MTMR10: variants seen among roughly 807,000 people sequenced by gnomAD.
MTMR10 encodes myotubularin related protein 10.
Under a neutral mutation model 88.1 loss-of-function variants are expected in MTMR10, and 56 were observed. The ratio of observed to expected loss-of-function variants is 0.64; its 90% CI spans 0.51 to 0.79. The LOEUF (loss-of-function observed/expected upper bound fraction) is 0.79, where lower values mean the gene tolerates loss of function less well. MTMR10 is among the 30% of genes least tolerant of loss of function. The pLI, the probability that MTMR10 is intolerant of heterozygous loss-of-function variation, is 0.00. For missense variants in MTMR10, 883 were observed against 924.7 expected, an observed-to-expected ratio of 0.95 and a Z score of 0.58; for synonymous variants, 380 against 340.9, an observed-to-expected ratio of 1.11 and a Z score of -1.26.
rs776364252 is a variant in MTMR10 at position 30,960,979 on chromosome 15, G to A, written c.660C>T (p.Leu220=). The change falls in exon 7 of 16, where the codon CTC becomes CTT. Residue 220 remains leucine, a synonymous_variant. Coordinates refer to ENST00000435680, the MANE Select transcript of MTMR10 (RefSeq NM_017762.3). Reference sequence around the variant, plus strand: ...TGTCCCAATCCGAGTAAGTTTCAAAGAGTGGAGTTTTCTGGCTGCTGCCAC... The same window carrying A: ...TGTCCCAATCCGAGTAAGTTTCAAAAAGTGGAGTTTTCTGGCTGCTGCCAC... ...AGGGSSQKTP[L]FETYSDWDRE... The A allele has an allele frequency of 2.5e-6, 4 of 1,600,898 alleles. No individual in the cohort carries two copies. The South Asian group carries it at 4.5e-5, about 18-fold the overall frequency.
chr15:30,945,069 A>G (rs1332782201), intron 14 of MTMR10, among the ~76,000 whole-genome samples: 2 of 152,116 alleles, frequency 1.3e-5, no homozygotes, highest in Non-Finnish European at 2.9e-5. Context: ...TATTTATCCC[A>G]AGAGAGACCA....
intron 9 of MTMR10, among the ~76,000 whole-genome samples, chr15:30,955,803 G>A (rs1046183625): frequency 6.6e-6 from 1 of 152,094 alleles, no homozygotes; most frequent in African/African-American, 2.4e-5. Context: ...ATTTGCTGTA[G>A]GATAAACTGC....
chr15:30,922,491 G>A, the MTMR10 span: 1 of 933,618 alleles, frequency 1.1e-6, no homozygotes, highest in Non-Finnish European at 1.6e-6. Context: ...TTTTGTCTGT[G>A]TTCTTCCAAC....
At chr15:30,920,475 TCA>T in the MTMR10 span, 2 of 975,766 alleles carry the variant, frequency 2.0e-6, no homozygotes, top group Non-Finnish European at 3.2e-6. Context: ...GTCTGCTTTG[TCA>T]CTTGTTATTA....
Position 30,939,357 on chromosome 15 carries a change from GCT to G in MTMR10, c.*2111_*2112del, listed in dbSNP as rs1172035994. ...TGCTGGCGGGCAGCAGGGGTGCTGA[GCT>G]CTCTCTAGTGCGCCCTGTGCAGCCA... On this transcript the variant is annotated 3_prime_UTR_variant, in exon 16 of 16. Coordinates refer to ENST00000435680, the MANE Select transcript of MTMR10 (RefSeq NM_017762.3). 8.1e-6 allele frequency: 8 copies of G among 985,346 alleles called. No individual in the cohort carries two copies. The Admixed American group carries it at 1.8e-4, about 23-fold the overall frequency. The allele number at this position is 985,346 out of a possible 1,614,324, so 61.0% of individuals were successfully genotyped here. A position where few individuals can be genotyped will look rare whatever the true frequency, so the allele number is the denominator to read the frequency against.
chr15:30,928,595 T>G, the MTMR10 span: 4 of 1,611,636 alleles, frequency 2.5e-6, no homozygotes, highest in Non-Finnish European at 2.5e-6. Context: ...CTGTATGGCC[T>G]CCTCCTGTGG....
chr15:30,991,446 C>T lies in MTMR10; in HGVS notation c.60+1G>A. On this transcript the variant is annotated splice_donor_variant, in intron 1 of 15. Transcript: ENST00000435680. LOFTEE classifies it high-confidence loss of function. ...GGCGCTCGCGGGGAGGGGTTGTTTA[C>T]CTGGGGCGGTGGCAGGAGGTAGGAC... is the stretch of plus-strand genomic sequence containing the variant. 1.3e-6 allele frequency: 2 copies of T among 1,495,620 alleles called. No individual in the cohort carries two copies. The highest frequency in any genetic ancestry group is 8.9e-7 in the Non-Finnish European group (1 of 1,127,262). 92.6% of individuals were successfully genotyped at this position (1,495,620 alleles called of 1,614,324 possible).
intron 7 of MTMR10, among the ~76,000 whole-genome samples, chr15:30,960,001 A>T (rs1595924493): frequency 6.6e-6 from 1 of 152,358 alleles, no homozygotes; most frequent in East Asian, 1.9e-4. Context: ...GTAAAGGAGA[A>T]AATGTAGATA....
At chr15:30,943,392 G>T (rs1282792391) in intron 14 of MTMR10, 1 of 984,472 alleles carries the variant, frequency 1.0e-6, no homozygotes, top group African/African-American at 1.7e-5. Flanking sequence ...TAAACATGTT[G>T]AATTTATTTC....
At position 30,939,165 on chromosome 15, in the gene MTMR10, A is replaced by G. The variant is rs924392503; in HGVS notation, c.*2305T>C. 31 of 985,286 alleles carry G rather than the reference A, an allele frequency of 3.1e-5. No homozygotes were observed. Among genetic ancestry groups the G allele is most frequent in the Non-Finnish European group, 3.7e-5 (31 of 829,858 alleles). The allele number at this position is 985,286 out of a possible 1,614,324, so 61.0% of individuals were successfully genotyped here. On this transcript the variant is annotated 3_prime_UTR_variant, in exon 16 of 16. Transcript: ENST00000435680. Reference sequence around the variant, plus strand: ...ATGTGAACAGCTTTCACCCTCTGTTAGTACAAATTAATATCCTTTCCTTAA... The same window carrying G: ...ATGTGAACAGCTTTCACCCTCTGTTGGTACAAATTAATATCCTTTCCTTAA...
chr15:30,940,358 G>C lies in MTMR10; in HGVS notation c.*1112C>G. On this transcript the variant is annotated 3_prime_UTR_variant, in exon 16 of 16. Coordinates refer to ENST00000435680, the MANE Select transcript of MTMR10 (RefSeq NM_017762.3). ...ACTTTGCTGTCCAAAGTTGGGGGCT[G>C]GGGGAGCACTTCTGTCGCTATTCAA... The C allele has an allele frequency of 1.0e-6, 1 of 985,420 alleles. No homozygotes were observed. Among genetic ancestry groups the C allele is most frequent in the Non-Finnish European group, 1.2e-6 (1 of 829,908 alleles). The allele number at this position is 985,420 out of a possible 1,614,324, so 61.0% of individuals were successfully genotyped here. A position where few individuals can be genotyped will look rare whatever the true frequency, so the allele number is the denominator to read the frequency against.
chr15:30,960,165 T>A lies in MTMR10; in HGVS notation c.758+716A>T, dbSNP rs74987748. 5.0e-3 allele frequency among the ~76,000 whole-genome samples: 767 copies of A among 152,244 alleles called. 6 individuals are homozygous for A. Among genetic ancestry groups the A allele is most frequent in the African/African-American group, 0.018 (730 of 41,542 alleles). On this transcript the variant is annotated intron_variant, in intron 7 of 15. Transcript: ENST00000435680. ...TCTGAGCAATGATCCTCCCTCCCAG[T>A]GCAAAACTATTTTTGGGAGCTCAAA... is the stretch of plus-strand genomic sequence containing the variant.
chr15:30,982,512 A>C (rs964067966), intron 2 of MTMR10, among the ~76,000 whole-genome samples: 3 of 152,206 alleles, frequency 2.0e-5, no homozygotes. Context: ...AGAAAAAAAA[A>C]GTGAAAGAAG....
intron 2 of MTMR10, among the ~76,000 whole-genome samples, chr15:30,986,799 C>T (rs929023819): frequency 2.6e-5 from 4 of 152,200 alleles, no homozygotes; most frequent in African/African-American, 9.7e-5. Flanking sequence ...AGGGCTCACC[C>T]CACGCCTTTC....
chr15:30,929,236 T>C, the MTMR10 span: 1 of 1,613,428 alleles, frequency 6.2e-7, no homozygotes, highest in South Asian at 1.1e-5. Context: ...AGACAGCTTC[T>C]TCACAAGCAG....
At chr15:30,985,524 G>C (rs1471226575) in intron 2 of MTMR10, among the ~76,000 whole-genome samples, 2 of 152,202 alleles carry the variant, frequency 1.3e-5, no homozygotes, top group Non-Finnish European at 2.9e-5. Context: ...TGCCTTGCTA[G>C]CTGTGTGACA....
chr15:30,966,669 A>G lies in MTMR10; in HGVS notation c.565+1251T>C, dbSNP rs554374541. 1.8e-4 allele frequency among the ~76,000 whole-genome samples: 27 copies of G among 152,272 alleles called. No homozygotes were observed. In the South Asian group the frequency reaches 5.6e-3, roughly 32 times the overall value. ...ATACTTTATTTTTAGACAGTAAGTG[A>G]ATTTACTTAATATTAATAAACTTCA... On this transcript the variant is annotated intron_variant, in intron 6 of 15. Coordinates refer to ENST00000435680, the MANE Select transcript of MTMR10 (RefSeq NM_017762.3).
chr15:30,925,070 A>G, the MTMR10 span: 8 of 1,541,094 alleles, frequency 5.2e-6, no homozygotes, highest in Admixed American at 2.0e-5. Context: ...AACTAAATGC[A>G]TGGAAGCCGC....
At chr15:30,925,268 A>T in the MTMR10 span, 1 of 1,614,128 alleles carries the variant, frequency 6.2e-7, no homozygotes, top group African/African-American at 1.3e-5. Context: ...GCTCCCAGAA[A>T]TGGCTGTGCA....
Sources: allele counts gnomAD v4.1 joint callset (sites outside exome capture counted in the v4.1 genomes callset), GRCh38; gene constraint gnomAD v4.1.1; transcripts MANE v1.5; gene names NCBI Gene and HGNC (gene_info 2026-07-23, HGNC 2026-07-21).